Variants in SLAIN2 observed in about 807,000 individuals in gnomAD.
SLAIN2 encodes SLAIN family member 2.
In SLAIN2, 31 loss-of-function variants were observed where a neutral mutation model predicts 56.6. That is an observed-to-expected ratio of 0.55 (90% CI 0.41 to 0.74). The LOEUF (loss-of-function observed/expected upper bound fraction) is 0.74, where lower values mean the gene tolerates loss of function less well. SLAIN2 is among the 30% of genes least tolerant of loss of function. SLAIN2 has a pLI of 0.00. For missense variants in SLAIN2, 777 were observed against 754.2 expected, an observed-to-expected ratio of 1.03 and a Z score of -0.35; for synonymous variants, 317 against 284.9, an observed-to-expected ratio of 1.11 and a Z score of -1.13.
At chr4:48,392,182 A>G (rs1716251256) in intron 6 of SLAIN2, among the ~76,000 whole-genome samples, 1 of 152,194 alleles carries the variant, frequency 6.6e-6, no homozygotes, top group South Asian at 2.1e-4. Context: ...ACATTATATG[A>G]CTGTGGTATT....
intron 6 of SLAIN2, among the ~76,000 whole-genome samples, chr4:48,402,653 C>T (rs1391278042): frequency 6.6e-6 from 1 of 152,100 alleles, no homozygotes; most frequent in African/African-American, 2.4e-5. Context: ...TTGTCAGCTC[C>T]GGTATTGTTT....
chr4:48,370,270 A>G (rs1241330520), intron 2 of SLAIN2, among the ~76,000 whole-genome samples: 1 of 152,220 alleles, frequency 6.6e-6, no homozygotes, highest in Non-Finnish European at 1.5e-5. Flanking sequence ...TTTTTCTAAT[A>G]CAAGTTAAAT....
intron 2 of SLAIN2, among the ~76,000 whole-genome samples, chr4:48,374,081 G>C (rs146100276): frequency 6.6e-6 from 1 of 152,078 alleles, no homozygotes; most frequent in Non-Finnish European, 1.5e-5. Flanking sequence ...AAAAAGAAAG[G>C]CATGTGCAAA....
intron 1 of SLAIN2, among the ~76,000 whole-genome samples, chr4:48,346,483 G>A (rs1298959134): frequency 1.3e-5 from 2 of 152,134 alleles, no homozygotes; most frequent in African/African-American, 4.8e-5. Context: ...TTCAGAGCTA[G>A]GTAGGTAATG....
At chr4:48,397,311 C>G (rs1221379874) in intron 6 of SLAIN2, among the ~76,000 whole-genome samples, 2 of 151,836 alleles carry the variant, frequency 1.3e-5, no homozygotes, top group East Asian at 1.9e-4. Flanking sequence ...ATGCGGCCAA[C>G]AAACATATGA....
rs1166620212 is a variant in SLAIN2, at chr4:48,423,267, A to AT, written c.*1195dup. On this transcript the variant is annotated 3_prime_UTR_variant, in exon 8 of 8. Coordinates refer to ENST00000264313, the MANE Select transcript of SLAIN2 (RefSeq NM_020846.2). ...GATTCTGCCTTACATCAATTTTTGC[A>AT]TTTTTGGTAAAAAAAAAACCCTACT... The AT allele has an allele frequency of 1.5e-5, 2 of 132,164 alleles. No individual in the cohort carries two copies. Among genetic ancestry groups the AT allele is most frequent in the Admixed American group, 1.5e-4 (2 of 13,228 alleles). 8.2% of individuals were successfully genotyped at this position (132,164 alleles called of 1,614,324 possible).
At chr4:48,413,734 A>G (rs979323885) in intron 6 of SLAIN2, among the ~76,000 whole-genome samples, 2 of 152,142 alleles carry the variant, frequency 1.3e-5, no homozygotes, top group African/African-American at 4.8e-5. Flanking sequence ...TTTTATTACT[A>G]TATACTTACT....
At chr4:48,373,229 T>G (rs1577719619) in intron 2 of SLAIN2, among the ~76,000 whole-genome samples, 1 of 152,252 alleles carries the variant, frequency 6.6e-6, no homozygotes, top group East Asian at 1.9e-4. Flanking sequence ...ACTGTGCAAC[T>G]GTCACTATCA....
In SLAIN2 at chr4:48,382,752, AC is replaced by A; in HGVS notation, c.1049del (p.Pro350LeufsTer22). 6.2e-7 allele frequency: 1 copy of A among 1,613,530 alleles called. No individual in the cohort carries two copies. Among genetic ancestry groups the A allele is most frequent in the Non-Finnish European group, 8.5e-7 (1 of 1,179,832 alleles). On this transcript the variant is annotated frameshift_variant, in exon 5 of 8. Coordinates refer to ENST00000264313, the MANE Select transcript of SLAIN2 (RefSeq NM_020846.2). LOFTEE classifies it high-confidence loss of function. ...NRFSPSPRNS[P>X]RPSPKQSPRN... Reference sequence around the variant, plus strand: ...GGTTTTCACCATCACCACGCAATTCACCTCGACCGTCACCTAAGCAGTCACC... The same window carrying A: ...GGTTTTCACCATCACCACGCAATTCACTCGACCGTCACCTAAGCAGTCACC...
At chr4:48,353,287 T>C (rs1313755061) in intron 1 of SLAIN2, among the ~76,000 whole-genome samples, 2 of 152,140 alleles carry the variant, frequency 1.3e-5, no homozygotes, top group Non-Finnish European at 2.9e-5. Flanking sequence ...TTGGGGAAAC[T>C]GGAATGAATG....
intron 1 of SLAIN2, among the ~76,000 whole-genome samples, chr4:48,356,744 A>G (rs1715166126): frequency 6.6e-6 from 1 of 152,204 alleles, no homozygotes; most frequent in Non-Finnish European, 1.5e-5. Context: ...GTTTAGTGAC[A>G]CTTCAAGGAA....
chr4:48,402,907 C>T (rs1230796860), intron 6 of SLAIN2, among the ~76,000 whole-genome samples: 2 of 152,062 alleles, frequency 1.3e-5, no homozygotes, highest in African/African-American at 4.8e-5. Flanking sequence ...GGCTTTTGTG[C>T]GGTCCTTTTT....
Position 48,425,458 on chromosome 4 carries a change from T to G in SLAIN2, c.*3381T>G, listed in dbSNP as rs1717276616. 6.6e-6 allele frequency: 1 copy of G among 152,132 alleles called. No homozygotes were observed. The highest frequency in any genetic ancestry group is 2.4e-5 in the African/African-American group (1 of 41,438). 9.4% of individuals were successfully genotyped at this position (152,132 alleles called of 1,614,324 possible). ...AGGTGATCACGTGCATCTTTTCTTG[T>G]ATGGATGGAAAAATCAAGAATTGTA... On this transcript the variant is annotated 3_prime_UTR_variant, in exon 8 of 8. Transcript: ENST00000264313.
intron 6 of SLAIN2, among the ~76,000 whole-genome samples, chr4:48,403,351 T>A (rs935683224): frequency 6.6e-6 from 1 of 151,674 alleles, no homozygotes; most frequent in Non-Finnish European, 1.5e-5. Flanking sequence ...CGGTCGCTCC[T>A]CCTCCAGGGG....
chr4:48,379,360 G>T lies in SLAIN2; in HGVS notation c.704-330G>T, dbSNP rs1433047163. ...ATCTATTTATAGAGCAGTTTCATTG[G>T]CTATCTTGTGCAAGTTGAAATCCTT... On this transcript the variant is annotated intron_variant, in intron 3 of 7. Transcript: ENST00000264313. Among the ~76,000 whole-genome samples, 12 of 152,198 alleles carry T rather than the reference G, an allele frequency of 7.9e-5. No homozygotes were observed. The South Asian group carries it at 1.7e-3, about 21-fold the overall frequency.
intron 6 of SLAIN2, among the ~76,000 whole-genome samples, chr4:48,386,232 C>A (rs1381995912): frequency 6.6e-6 from 1 of 152,016 alleles, no homozygotes; most frequent in African/African-American, 2.4e-5. Flanking sequence ...TATTTAGATG[C>A]ATAATCTTAT....
chr4:48,350,019 G>A (rs1371905487), intron 1 of SLAIN2, among the ~76,000 whole-genome samples: 7 of 152,160 alleles, frequency 4.6e-5, no homozygotes, highest in Non-Finnish European at 8.8e-5. Flanking sequence ...GATTTAGAAT[G>A]CTTCTTAGAA....
At chr4:48,408,532 A>C (rs991052870) in intron 6 of SLAIN2, among the ~76,000 whole-genome samples, 5 of 140,438 alleles carry the variant, frequency 3.6e-5, no homozygotes, top group African/African-American at 1.5e-4. Flanking sequence ...GTTTTTAGCA[A>C]AAAAAAAAAA....
In SLAIN2 at chr4:48,424,170, C is replaced by G. The variant is rs1717239998; in HGVS notation, c.*2093C>G. 6.6e-6 allele frequency: 1 copy of G among 152,002 alleles called. No individual in the cohort carries two copies. Among genetic ancestry groups the G allele is most frequent in the South Asian group, 2.1e-4 (1 of 4,828 alleles). The allele number at this position is 152,002 out of a possible 1,614,324, so 9.4% of individuals were successfully genotyped here. On this transcript the variant is annotated 3_prime_UTR_variant, in exon 8 of 8. Transcript: ENST00000264313. ...TTTTTTTTATTAAAATATTTCATCA[C>G]TTGTTAAAACATATTTTTGATCTGA...
Sources: gnomAD v4.1 joint callset for allele counts (sites outside exome capture counted in the v4.1 genomes callset) on GRCh38, gnomAD v4.1.1 for gene constraint, MANE v1.5 for transcripts, NCBI Gene and HGNC (gene_info 2026-07-23, HGNC 2026-07-21) for gene names.